DNAI1: variants seen among roughly 807,000 people sequenced by gnomAD.
The protein encoded by DNAI1 is dynein axonemal intermediate chain 1, also known as dynein, axonemal, intermediate polypeptide 1.
A neutral mutation model predicts 92.0 loss-of-function variants in DNAI1; 67 were observed. The observed-to-expected ratio is 0.73, with a 90% CI of 0.60 to 0.89. The LOEUF (loss-of-function observed/expected upper bound fraction) is 0.89, where lower values mean the gene tolerates loss of function less well. Ranked by LOEUF, DNAI1 falls within the 40% of genes least tolerant of loss-of-function variation. The pLI, the probability that DNAI1 is intolerant of heterozygous loss-of-function variation, is 0.00. For missense variants in DNAI1, 839 were observed against 866.6 expected (o/e 0.97, Z 0.40); for synonymous variants, 323 against 319.6 (o/e 1.01, Z -0.11).
intron 1 of DNAI1, among the ~76,000 whole-genome samples, chr9:34,482,902 C>T (rs1167199556): frequency 6.6e-6 from 1 of 152,262 alleles, no homozygotes; most frequent in Non-Finnish European, 1.5e-5. Context: ...GTCCCGAGCC[C>T]TGCCCCGTGG....
chr9:34,514,581 C>T, intron 17 of DNAI1, 39 bp downstream of exon 17: 1 of 1,614,232 alleles, frequency 6.2e-7, no homozygotes, highest in Non-Finnish European at 8.5e-7. Flanking sequence ...GGGCCCTCCC[C>T]TGGGCTATGG....
Position 34,479,167 on chromosome 9 carries a change from G to A in DNAI1, c.49-4281G>A, listed in dbSNP as rs1021388254. Among the ~76,000 whole-genome samples, 7 of 152,190 alleles carry A rather than the reference G, an allele frequency of 4.6e-5. 1 individual carries two copies. Among genetic ancestry groups the A allele is most frequent in the Non-Finnish European group, 1.0e-4 (7 of 68,026 alleles). ...ACAGGCCAGGCCCAGGGACTCGCTG[G>A]ACTGCACCTCGGAGTCCTAGCACAT... On this transcript the variant is annotated intron_variant, in intron 1 of 19. Coordinates refer to ENST00000242317, the MANE Select transcript of DNAI1 (RefSeq NM_012144.4).
intron 1 of DNAI1, among the ~76,000 whole-genome samples, chr9:34,467,350 C>T (rs1824056719): frequency 6.6e-6 from 1 of 151,988 alleles, no homozygotes; most frequent in Admixed American, 6.6e-5. Context: ...GTAATCCTAG[C>T]ACTTTGGGAG....
At chr9:34,461,128 C>T (rs1823944930) in intron 1 of DNAI1, among the ~76,000 whole-genome samples, 1 of 152,156 alleles carries the variant, frequency 6.6e-6, no homozygotes, top group Admixed American at 6.5e-5. Flanking sequence ...AGGTGTGGGC[C>T]ACCGCACCCA....
chr9:34,483,535 G>A lies in DNAI1; in HGVS notation c.81+55G>A. On this transcript the variant is annotated intron_variant, in intron 2 of 19. Coordinates refer to ENST00000242317, the MANE Select transcript of DNAI1 (RefSeq NM_012144.4). The stretch of plus-strand genomic sequence containing the variant: ...GCAAGATGCTAATAGTGTTTTTTTT[G>A]TTGAAAATATTATTTATGTGTTTTT... The A allele has an allele frequency of 4.6e-6, 7 of 1,521,524 alleles. No homozygotes were observed. The South Asian group carries it at 4.6e-5, about 10-fold the overall frequency. The allele number at this position is 1,521,524 out of a possible 1,614,324, so 94.3% of individuals were successfully genotyped here.
At chr9:34,486,985 T>C (rs35722497) in intron 4 of DNAI1, among the ~76,000 whole-genome samples, 18,154 of 152,282 alleles carry the variant, frequency 0.12, 1,398 homozygotes, top group Non-Finnish European at 0.18. Context: ...TATTCACTTG[T>C]ATGAATATAC....
intron 1 of DNAI1, among the ~76,000 whole-genome samples, chr9:34,462,995 G>T (rs1341252787): frequency 6.6e-6 from 1 of 152,166 alleles, no homozygotes; most frequent in Non-Finnish European, 1.5e-5. Context: ...ATATTAGATG[G>T]TGATAGATGC....
At chr9:34,476,719 A>C (rs1441711921) in intron 1 of DNAI1, among the ~76,000 whole-genome samples, 1 of 152,218 alleles carries the variant, frequency 6.6e-6, no homozygotes, top group African/African-American at 2.4e-5. Flanking sequence ...CAGTGAAGTT[A>C]GATGGTCCAT....
At chr9:34,496,950 C>A (rs1824738060) in intron 9 of DNAI1, among the ~76,000 whole-genome samples, 165 bp from the exon 10 acceptor site, 1 of 152,194 alleles carries the variant, frequency 6.6e-6, no homozygotes, top group Non-Finnish European at 1.5e-5. Flanking sequence ...AGGGTAGTGG[C>A]ATGAGCTGGG....
intron 1 of DNAI1, among the ~76,000 whole-genome samples, chr9:34,468,686 G>T (rs1824084924): frequency 6.6e-6 from 1 of 151,824 alleles, no homozygotes; most frequent in Non-Finnish European, 1.5e-5. Flanking sequence ...AATTAGCCAG[G>T]CGTGGTGGTA....
At chr9:34,502,149 T>C (rs1364635793) in intron 12 of DNAI1, among the ~76,000 whole-genome samples, 1 of 152,192 alleles carries the variant, frequency 6.6e-6, no homozygotes, top group Non-Finnish European at 1.5e-5. Context: ...CCACCCATTC[T>C]TTGACCAGGG....
At chr9:34,468,989 GAAA>G (rs1214608897) in intron 1 of DNAI1, among the ~76,000 whole-genome samples, 3 of 152,028 alleles carry the variant, frequency 2.0e-5, no homozygotes, top group Admixed American at 2.0e-4. Context: ...AAAAGAGGAA[GAAA>G]AAATATTTGA....
intron 4 of DNAI1, among the ~76,000 whole-genome samples, chr9:34,486,567 C>T (rs777938529): frequency 1.8e-4 from 28 of 152,178 alleles, no homozygotes; most frequent in South Asian, 6.2e-4. Flanking sequence ...CCTCTCTCCC[C>T]GTCCTCTTTC....
chr9:34,511,400 T>C (rs1825062356), intron 13 of DNAI1, among the ~76,000 whole-genome samples: 1 of 152,106 alleles, frequency 6.6e-6, no homozygotes, highest in Non-Finnish European at 1.5e-5. Context: ...GGGAGCAAAG[T>C]TCTGGGAGCA....
At chr9:34,485,309 T>G in intron 3 of DNAI1, 69 bp downstream of exon 3, 1 of 1,604,618 alleles carries the variant, frequency 6.2e-7, no homozygotes, top group Non-Finnish European at 8.5e-7. Context: ...TCTTCCATAG[T>G]ACATGATTAG....
At position 34,512,510 on chromosome 9, in the gene DNAI1, T is replaced by C. The variant is rs549897397; in HGVS notation, c.1489+86T>C. On this transcript the variant is annotated intron_variant, in intron 15 of 19. Coordinates refer to ENST00000242317, the MANE Select transcript of DNAI1 (RefSeq NM_012144.4). ...CAGTGACAGTGGTCCTTCCCCTGAC[T>C]GAGTGCTCCCTCCCCAACCTGTGCC... is the stretch of plus-strand genomic sequence containing the variant. 4.9e-5 allele frequency: 63 copies of C among 1,298,096 alleles called. 2 individuals are homozygous for C. The South Asian group carries it at 7.6e-4, about 16-fold the overall frequency. The allele number at this position is 1,298,096 out of a possible 1,614,324, so 80.4% of individuals were successfully genotyped here.
chr9:34,471,416 C>T lies in DNAI1; in HGVS notation c.49-12032C>T, dbSNP rs535375770. 1.3e-4 allele frequency among the ~76,000 whole-genome samples: 20 copies of T among 150,498 alleles called. No individual in the cohort carries two copies. In the East Asian group the frequency reaches 3.9e-3, roughly 29 times the overall value. ...CTCTGGCCTGGGCAACAGAGTGAGA[C>T]CCTGTCTCTCCTGGTCCCCAACCAC... On this transcript the variant is annotated intron_variant, in intron 1 of 19. Coordinates refer to ENST00000242317, the MANE Select transcript of DNAI1 (RefSeq NM_012144.4).
chr9:34,471,263 C>T (rs1824128402), intron 1 of DNAI1, among the ~76,000 whole-genome samples: 2 of 149,534 alleles, frequency 1.3e-5, no homozygotes, highest in Admixed American at 6.7e-5. Context: ...CCCTTCTCTA[C>T]CAAAAAAAAA....
chr9:34,484,627 G>A (rs1246771503), intron 2 of DNAI1, among the ~76,000 whole-genome samples: 1 of 152,226 alleles, frequency 6.6e-6, no homozygotes, highest in African/African-American at 2.4e-5. Context: ...TCTAGTCCTT[G>A]ATTTTTTTGC....
Sources: allele counts gnomAD v4.1 joint callset (sites outside exome capture counted in the v4.1 genomes callset), GRCh38; gene constraint gnomAD v4.1.1; transcripts MANE v1.5; gene names NCBI Gene and HGNC (gene_info 2026-07-23, HGNC 2026-07-21).